The following VPS53 variants were observed in gnomAD, a reference collection of about 807,000 sequenced individuals.
VPS53 encodes VPS53 subunit of GARP complex.
VPS53 carries 70 observed loss-of-function variants against 107.0 expected under a neutral mutation model. The observed-to-expected ratio is 0.65, with a 90% confidence interval of 0.54 to 0.80. The LOEUF is 0.80. VPS53 is among the 30% of genes least tolerant of loss of function. The pLI is 0.00. For missense variants in VPS53, 917 were observed against 1,049.4 expected, an observed-to-expected ratio of 0.87 and a Z score of 1.74; for synonymous variants, 409 against 393.3, an observed-to-expected ratio of 1.04 and a Z score of -0.47.
rs1907949849 is a variant in VPS53, at chr17:511,626, T to A, written c.*7502A>T. On this transcript the variant is annotated 3_prime_UTR_variant, in exon 22 of 22. Coordinates refer to ENST00000437048, the MANE Select transcript of VPS53 (RefSeq NM_001128159.3). ...AGGATTCAGCTGGCCTTGGGAAAAGTCTAAACATCTTTGAAACACAATTGG... is the reference window on the plus strand; with the variant it reads ...AGGATTCAGCTGGCCTTGGGAAAAGACTAAACATCTTTGAAACACAATTGG... 1 of 152,126 alleles carries A rather than the reference T, an allele frequency of 6.6e-6. No individual in the cohort carries two copies. 9.4% of individuals were successfully genotyped at this position (152,126 alleles called of 1,614,324 possible).
intron 7 of VPS53, among the ~76,000 whole-genome samples, chr17:651,606 A>G (rs1385722311): frequency 6.6e-6 from 1 of 152,186 alleles, no homozygotes; most frequent in Non-Finnish European, 1.5e-5. Context: ...TTTAAAGTCT[A>G]TGTGTATTAC....
At chr17:683,349 A>C (rs1972471587) in intron 4 of VPS53, among the ~76,000 whole-genome samples, 1 of 152,192 alleles carries the variant, frequency 6.6e-6, no homozygotes, top group Non-Finnish European at 1.5e-5. Context: ...TAGAAGACAA[A>C]GACTGACATT....
intron 8 of VPS53, among the ~76,000 whole-genome samples, 166 bp downstream of exon 8, chr17:631,384 G>A (rs1167897341): frequency 6.6e-6 from 1 of 151,838 alleles, no homozygotes; most frequent in African/African-American, 2.4e-5. Context: ...CACCACCTAG[G>A]GACATTTAAA....
chr17:521,887 A>C, intron 19 of VPS53, 149 bp from the exon 20 acceptor site: 1 of 938,458 alleles, frequency 1.1e-6, no homozygotes, highest in Non-Finnish European at 1.4e-6. Context: ...ATAAAAGAAA[A>C]AAATTATGTA....
chr17:544,894 A>G (rs1346982979), intron 17 of VPS53, among the ~76,000 whole-genome samples: 1 of 152,120 alleles, frequency 6.6e-6, no homozygotes, highest in African/African-American at 2.4e-5. Context: ...GGCCTGGGCA[A>G]CATAGCAAGA....
intron 4 of VPS53, among the ~76,000 whole-genome samples, chr17:681,392 C>CCCCT (rs1205191050): frequency 7.2e-5 from 11 of 152,234 alleles, no homozygotes; most frequent in African/African-American, 2.7e-4. Context: ...GCCTCAGCCT[C>CCCCT]CCCAAGTGCT....
rs552727464 is a variant in VPS53, at chr17:682,374, A to T, written c.285+15044T>A. On this transcript the variant is annotated intron_variant, in intron 4 of 21. Transcript: ENST00000437048. ...AGGAAAACGGAAACTGAAAACCACA[A>T]CTTTTCTTGAACCTAGCAGAGAGCT... Among the ~76,000 whole-genome samples, 5 of 152,278 alleles carry T rather than the reference A, an allele frequency of 3.3e-5. No individual in the cohort carries two copies. In the South Asian group the frequency reaches 1.0e-3, roughly 32 times the overall value.
At chr17:605,115 G>A (rs186867730) in intron 11 of VPS53, among the ~76,000 whole-genome samples, 7 of 152,310 alleles carry the variant, frequency 4.6e-5, no homozygotes, top group Non-Finnish European at 1.0e-4. Context: ...TATGAGGGGT[G>A]GAGGGCGGAG....
intron 19 of VPS53, chr17:531,847 G>GCT (rs1265605393): frequency 7.0e-6 from 1 of 143,802 alleles, no homozygotes; most frequent in Non-Finnish European, 1.5e-5. Flanking sequence ...CGTGATCTGA[G>GCT]CTCACTGCAA....
chr17:573,231 C>G (rs1021804408), intron 13 of VPS53, among the ~76,000 whole-genome samples: 5 of 152,144 alleles, frequency 3.3e-5, no homozygotes, highest in African/African-American at 1.2e-4. Context: ...GTAGAAATTT[C>G]TTTTGCAAGA....
At chr17:700,179 TA>T (rs1973143874) in intron 2 of VPS53, among the ~76,000 whole-genome samples, 1 of 152,210 alleles carries the variant, frequency 6.6e-6, no homozygotes, top group Non-Finnish European at 1.5e-5. Flanking sequence ...TGTAATGTAT[TA>T]GTAGTTGCAG....
intron 12 of VPS53, among the ~76,000 whole-genome samples, chr17:598,058 C>T (rs964771687): frequency 2.0e-5 from 3 of 151,912 alleles, no homozygotes; most frequent in East Asian, 2.0e-4. Flanking sequence ...TCTCGGCTCA[C>T]TGCAACCTCC....
rs900800547 is a variant in VPS53, at chr17:513,127, C to G, written c.*6001G>C. The G allele has an allele frequency of 2.0e-5, 3 of 152,306 alleles. No homozygotes were observed. Among genetic ancestry groups the G allele is most frequent in the African/African-American group, 4.8e-5 (2 of 41,458 alleles). 9.4% of individuals were successfully genotyped at this position (152,306 alleles called of 1,614,324 possible). On this transcript the variant is annotated 3_prime_UTR_variant, in exon 22 of 22. Coordinates refer to ENST00000437048, the MANE Select transcript of VPS53 (RefSeq NM_001128159.3). ...TAGACTGTCAGGGAAGGGAGAAGGG[C>G]AGCCACCAGGAGCGGCCAGGGTCAC...
intron 12 of VPS53, among the ~76,000 whole-genome samples, chr17:591,175 T>C (rs1967625118): frequency 6.6e-6 from 1 of 152,254 alleles, no homozygotes; most frequent in African/African-American, 2.4e-5. Flanking sequence ...TAGAGGTGTT[T>C]GTAGTATTCT....
intron 14 of VPS53, 82 bp from the exon 15 acceptor site, chr17:560,655 A>G: frequency 6.6e-7 from 1 of 1,517,196 alleles, no homozygotes; most frequent in Non-Finnish European, 8.9e-7. Flanking sequence ...TTTAAGATAC[A>G]GAAAAGGGGG....
intron 4 of VPS53, among the ~76,000 whole-genome samples, chr17:694,284 C>T (rs1972871382): frequency 6.6e-6 from 1 of 152,178 alleles, no homozygotes; most frequent in Non-Finnish European, 1.5e-5. Context: ...TGCTCTGCTG[C>T]GGCAACCTGT....
rs1973012032 is a variant in VPS53 at position 697,398 on chromosome 17, T to C, written c.285+20A>G. ...AGAAACCAGGGGAGCATAGGTAATA[T>C]GGAGGAATGAGTTACTTACTTGCCG... is the stretch of plus-strand genomic sequence containing the variant. On this transcript the variant is annotated intron_variant, in intron 4 of 21. Transcript: ENST00000437048. The C allele has an allele frequency of 1.2e-6, 2 of 1,606,754 alleles. No individual in the cohort carries two copies. Among genetic ancestry groups the C allele is most frequent in the South Asian group, 1.1e-5 (1 of 90,906 alleles).
chr17:614,003 G>A (rs1406250030), intron 11 of VPS53, among the ~76,000 whole-genome samples: 1 of 152,216 alleles, frequency 6.6e-6, no homozygotes, highest in African/African-American at 2.4e-5. Context: ...CTGTCCAGAG[G>A]GAGGGAAGGC....
chr17:713,831 G>A (rs1006471004), intron 1 of VPS53, among the ~76,000 whole-genome samples: 2 of 151,772 alleles, frequency 1.3e-5, no homozygotes, highest in African/African-American at 4.8e-5. Context: ...CTTGAGCTCA[G>A]GAGTTCGAGA....
Sources: allele counts gnomAD v4.1 joint callset (sites outside exome capture counted in the v4.1 genomes callset), GRCh38; gene constraint gnomAD v4.1.1; transcripts MANE v1.5; gene names NCBI Gene and HGNC (gene_info 2026-07-23, HGNC 2026-07-21).